The following COBL variants were observed in gnomAD, a reference collection of about 807,000 sequenced individuals.
The protein encoded by COBL is cordon-bleu WH2 repeat protein.
A neutral mutation model predicts 98.8 loss-of-function variants in COBL; 51 were observed. The ratio of observed to expected loss-of-function variants is 0.52; its 90% CI spans 0.41 to 0.65. The LOEUF (loss-of-function observed/expected upper bound fraction) is 0.65, where lower values mean the gene tolerates loss of function less well. Ranked by LOEUF, COBL falls within the 30% of genes least tolerant of loss-of-function variation. COBL has a pLI of 0.00. For missense variants in COBL, 1,617 were observed against 1,617.5 expected, an observed-to-expected ratio of 1.00 and a Z score of 0.01; for synonymous variants, 634 against 651.7, an observed-to-expected ratio of 0.97 and a Z score of 0.41.
chr7:51,233,675 A>ACGGAC (rs1332519758), intron 1 of COBL, among the ~76,000 whole-genome samples: 1 of 152,196 alleles, frequency 6.6e-6, no homozygotes, highest in Non-Finnish European at 1.5e-5. Context: ...TTGGAACTCA[A>ACGGAC]CGGACTGTGA....
At chr7:51,080,132 C>T (rs1793491538) in intron 7 of COBL, among the ~76,000 whole-genome samples, 1 of 152,156 alleles carries the variant, frequency 6.6e-6, no homozygotes. Context: ...CAAGACCTTA[C>T]AGAGGTCAGG....
chr7:51,202,296 T>C (rs1335382026), intron 2 of COBL, among the ~76,000 whole-genome samples: 1 of 152,196 alleles, frequency 6.6e-6, no homozygotes, highest in Non-Finnish European at 1.5e-5. Flanking sequence ...AGAAAAAAGA[T>C]ATTCATGCTA....
At chr7:51,183,847 G>A (rs10280348) in intron 5 of COBL, among the ~76,000 whole-genome samples, 13,090 of 152,266 alleles carry the variant, frequency 0.086, 679 homozygotes, top group Middle Eastern at 0.14. Flanking sequence ...TCATGGCCCC[G>A]GTCATCAGGA....
At chr7:51,169,121 G>A (rs545137051) in intron 5 of COBL, among the ~76,000 whole-genome samples, 11 of 152,180 alleles carry the variant, frequency 7.2e-5, no homozygotes, top group African/African-American at 1.9e-4. Context: ...CCTGCTACCC[G>A]GAGGCTTCAT....
intron 11 of COBL, 27 bp from the exon 12 acceptor site, chr7:51,025,399 C>A (rs965228688): frequency 1.6e-5 from 26 of 1,610,936 alleles, no homozygotes; most frequent in Non-Finnish European, 2.1e-5. Flanking sequence ...TAAATGACTG[C>A]TATAGAGTGA....
intron 1 of COBL, among the ~76,000 whole-genome samples, chr7:51,272,327 T>C (rs1309002189): frequency 2.0e-5 from 3 of 152,116 alleles, no homozygotes; most frequent in Non-Finnish European, 4.4e-5. Context: ...ACATTGAGCT[T>C]GGGTTTTAAT....
intron 1 of COBL, among the ~76,000 whole-genome samples, chr7:51,276,548 C>T (rs971462599): frequency 6.6e-6 from 1 of 152,208 alleles, no homozygotes; most frequent in African/African-American, 2.4e-5. Context: ...TGTCATTTAT[C>T]GTTCAAACCT....
chr7:51,126,087 G>A (rs1798177708), intron 6 of COBL, among the ~76,000 whole-genome samples: 1 of 152,190 alleles, frequency 6.6e-6, no homozygotes, highest in Non-Finnish European at 1.5e-5. Flanking sequence ...CAGCACTCTG[G>A]GAGGCCGAGG....
intron 5 of COBL, among the ~76,000 whole-genome samples, chr7:51,182,027 A>G (rs1789016454): frequency 6.6e-6 from 1 of 152,204 alleles, no homozygotes; most frequent in African/African-American, 2.4e-5. Flanking sequence ...AAGTCTTTCT[A>G]GATTTTTTAC....
chr7:51,047,699 C>T (rs1789852695), intron 7 of COBL, among the ~76,000 whole-genome samples: 1 of 152,196 alleles, frequency 6.6e-6, no homozygotes, highest in South Asian at 2.1e-4. Flanking sequence ...ACCTCGCCAC[C>T]TCACACTGCT....
chr7:51,241,502 G>A (rs1795791400), intron 1 of COBL, among the ~76,000 whole-genome samples: 1 of 152,130 alleles, frequency 6.6e-6, no homozygotes. Flanking sequence ...ATGCTCCTCG[G>A]CCGTTCCCAC....
intron 1 of COBL, among the ~76,000 whole-genome samples, chr7:51,261,614 G>T (rs1003406631): frequency 1.3e-5 from 2 of 152,226 alleles, no homozygotes; most frequent in African/African-American, 4.8e-5. Context: ...GCCTGACAGG[G>T]AGGATGGCTG....
chr7:51,180,193 A>G (rs1287614252), intron 5 of COBL, among the ~76,000 whole-genome samples: 1 of 152,228 alleles, frequency 6.6e-6, no homozygotes, highest in African/African-American at 2.4e-5. Context: ...GGAATGACAG[A>G]TTTTCAGATA....
rs1562834814 is a variant in COBL at position 51,043,414 on chromosome 7, C to T, written c.1375G>A (p.Glu459Lys). ...TGTGAGTTCTCAGAGCCATTCTTCT[C>T]CCACAAGGGGCTCTTCTGGGGACCC... ...DLGPQKSPLW[E>K]KNGSENSHLR... The change falls in exon 8 of 13, where the codon GAG becomes AAG. Residue 459 changes from glutamate to lysine, a missense_variant. By Grantham distance (56) the Glu-to-Lys change is moderately conservative (BLOSUM62 1). This residue lies in a region of COBL where 1,304 missense variants were observed against 1,282.0 expected (regional missense o/e 1.02). Transcript: ENST00000265136. The T allele has an allele frequency of 1.2e-6, 2 of 1,614,196 alleles. No individual in the cohort carries two copies. Among genetic ancestry groups the T allele is most frequent in the Non-Finnish European group, 8.5e-7 (1 of 1,180,022 alleles).
At chr7:51,029,644 G>C in intron 9 of COBL, 53 bp from the exon 10 acceptor site, 1 of 1,428,014 alleles carries the variant, frequency 7.0e-7, no homozygotes, top group South Asian at 1.3e-5. Context: ...CAATTACTTA[G>C]TGTAACTGCA....
intron 1 of COBL, among the ~76,000 whole-genome samples, chr7:51,251,597 T>C (rs1484693514): frequency 1.3e-5 from 2 of 152,232 alleles, no homozygotes; most frequent in Non-Finnish European, 2.9e-5. Flanking sequence ...GCAGGGATCA[T>C]ATCTCTAAGT....
intron 6 of COBL, among the ~76,000 whole-genome samples, chr7:51,087,976 C>G (rs1415953036): frequency 6.6e-6 from 1 of 151,970 alleles, no homozygotes; most frequent in African/African-American, 2.4e-5. Context: ...AAATGCTAAG[C>G]CATTACTCCA....
At chr7:51,268,038 G>A (rs1798386924) in intron 1 of COBL, among the ~76,000 whole-genome samples, 2 of 152,236 alleles carry the variant, frequency 1.3e-5, no homozygotes, top group East Asian at 3.9e-4. Flanking sequence ...CCTGGTATCT[G>A]GTATTGGTGG....
At chr7:51,158,425 T>C (rs1440870054) in intron 5 of COBL, among the ~76,000 whole-genome samples, 1 of 151,710 alleles carries the variant, frequency 6.6e-6, no homozygotes, top group Non-Finnish European at 1.5e-5. Flanking sequence ...CCTGTAACCA[T>C]CGCTCAACAG....
Sources: gnomAD v4.1 joint callset for allele counts (sites outside exome capture counted in the v4.1 genomes callset) on GRCh38, gnomAD v4.1.1 for gene constraint, gnomAD v4.1.1 regional missense constraint, MANE v1.5 for transcripts, NCBI Gene and HGNC (gene_info 2026-07-23, HGNC 2026-07-21) for gene names.